The following ATXN2 variants were observed in gnomAD, a reference collection of about 807,000 sequenced individuals.
The protein encoded by ATXN2 is ataxin-2.
Under a neutral mutation model 138.6 loss-of-function variants are expected in ATXN2, and 37 were observed. That is an observed-to-expected ratio of 0.27 (90% CI 0.21 to 0.35). The LOEUF (loss-of-function observed/expected upper bound fraction) is 0.35. ATXN2 is among the 10% of genes least tolerant of loss of function. The probability of loss-of-function intolerance (pLI) is 1.00; values close to 1 mark genes in which losing one functional copy is unlikely to be tolerated. For synonymous variants in ATXN2, 549 were observed against 543.7 expected (o/e 1.01, Z -0.13); for missense variants, 1,216 against 1,480.3 (o/e 0.82, Z 2.93).
intron 5 of ATXN2, among the ~76,000 whole-genome samples, chr12:111,547,733 AC>A (rs1881881788): frequency 6.6e-6 from 1 of 151,656 alleles, no homozygotes; most frequent in Admixed American, 6.6e-5. Context: ...CCCAAGGAAA[AC>A]AAAAAAGAAA....
At chr12:111,497,738 C>T (rs766610032) in intron 14 of ATXN2, among the ~76,000 whole-genome samples, 20 of 151,958 alleles carry the variant, frequency 1.3e-4, no homozygotes, top group East Asian at 9.6e-4. Context: ...AACCCTTGGC[C>T]GGGCGTGGTG....
chr12:111,525,066 C>G (rs1280061952), intron 6 of ATXN2, 126 bp downstream of exon 6: 1 of 1,263,780 alleles, frequency 7.9e-7, no homozygotes, highest in Non-Finnish European at 1.1e-6. Flanking sequence ...AGTTATACAA[C>G]AAACCTGCTG....
intron 3 of ATXN2, 90 bp downstream of exon 3, chr12:111,554,068 C>A: frequency 1.1e-6 from 1 of 883,750 alleles, no homozygotes. Flanking sequence ...AGCAATGTTA[C>A]TTTGACAATC....
At chr12:111,599,651 G>T, upstream of ATXN2, 13 of 1,084,848 alleles carry the variant, frequency 1.2e-5, no homozygotes, top group Non-Finnish European at 1.3e-5. Flanking sequence ...GGAGCGGGCG[G>T]CGCGCTGGGT....
intron 1 of ATXN2, among the ~76,000 whole-genome samples, chr12:111,574,556 T>C (rs1592917742): frequency 6.6e-6 from 1 of 152,074 alleles, no homozygotes; most frequent in African/African-American, 2.4e-5. Context: ...GCCTCCCAAG[T>C]AGCTGAGACT....
At position 111,453,035 on chromosome 12, in the gene ATXN2, G is replaced by A. The variant is rs560874976; in HGVS notation, c.3440-195C>T. 1.1e-5 allele frequency: 14 copies of A among 1,301,686 alleles called. No individual in the cohort carries two copies. The highest frequency in any genetic ancestry group is 7.6e-5 in the Admixed American group (2 of 26,340). 80.6% of individuals were successfully genotyped at this position (1,301,686 alleles called of 1,614,324 possible). The stretch of plus-strand genomic sequence containing the variant: ...GTGGGTAGAAACAAACCAGTCAGAC[G>A]TAAAACCACTTCAGATAAAACTCCC... On this transcript the variant is annotated intron_variant, in intron 24 of 24. Transcript: ENST00000673436. This position sits in a 1 kb window ranked among gnomAD's most constrained non-coding sequence, Gnocchi z 5.4.
At chr12:111,556,084 G>A (rs1882374172) in intron 1 of ATXN2, among the ~76,000 whole-genome samples, 165 bp from the exon 2 acceptor site, 1 of 152,100 alleles carries the variant, frequency 6.6e-6, no homozygotes, top group Non-Finnish European at 1.5e-5. Context: ...CTCTACCTAT[G>A]CACTGCTTGC....
intron 23 of ATXN2, chr12:111,455,168 G>A: frequency 1.4e-6 from 1 of 701,436 alleles, no homozygotes; most frequent in Non-Finnish European, 2.6e-6. Flanking sequence ...ACTTAGACCC[G>A]CCTCAGAGAG....
At chr12:111,491,816 C>G (rs552132050) in intron 14 of ATXN2, among the ~76,000 whole-genome samples, 1 of 152,266 alleles carries the variant, frequency 6.6e-6, no homozygotes, top group East Asian at 1.9e-4. Context: ...TGGGGAGACC[C>G]ACCTGCTTGA....
At chr12:111,537,118 A>G (rs951824588) in intron 5 of ATXN2, among the ~76,000 whole-genome samples, 2 of 152,132 alleles carry the variant, frequency 1.3e-5, no homozygotes, top group Non-Finnish European at 2.9e-5. Context: ...TGTTCGCAGC[A>G]GGATTATGTA....
At chr12:111,597,762 G>A (rs756184525) in intron 1 of ATXN2, 2 of 985,614 alleles carry the variant, frequency 2.0e-6, no homozygotes, top group African/African-American at 1.7e-5. Flanking sequence ...TCTGCCTTCA[G>A]GAACCCGACC....
chr12:111,598,376 C>A lies in ATXN2; in HGVS notation c.251+408G>T, dbSNP rs1379291090. On this transcript the variant is annotated intron_variant, in intron 1 of 24. Transcript: ENST00000673436. This position sits in a 1 kb window ranked among gnomAD's most constrained non-coding sequence, Gnocchi z 4.5. The stretch of plus-strand genomic sequence containing the variant: ...GAAAACGCCACCACAGCCTCCAGAC[C>A]CCTCCAACGTTCACACCTAAACCGG... The A allele has an allele frequency of 1.5e-5, 15 of 987,416 alleles. No homozygotes were observed. Among genetic ancestry groups the A allele is most frequent in the Middle Eastern group, 5.2e-4 (1 of 1,918 alleles). The allele number at this position is 987,416 out of a possible 1,614,324, so 61.2% of individuals were successfully genotyped here.
At chr12:111,536,790 T>G (rs941068262) in intron 5 of ATXN2, among the ~76,000 whole-genome samples, 2 of 147,316 alleles carry the variant, frequency 1.4e-5, no homozygotes, top group Admixed American at 6.8e-5. Context: ...TTTTTTTTTT[T>G]TTTTTTTTTT....
At chr12:111,526,381 T>C (rs1363811154) in intron 5 of ATXN2, among the ~76,000 whole-genome samples, 2 of 150,132 alleles carry the variant, frequency 1.3e-5, no homozygotes, top group Admixed American at 1.3e-4. Context: ...AGAAAATTTC[T>C]ATCAATCCAT....
chr12:111,463,597 T>C (rs1301262167), intron 21 of ATXN2, among the ~76,000 whole-genome samples: 1 of 152,104 alleles, frequency 6.6e-6, no homozygotes, highest in Non-Finnish European at 1.5e-5. Flanking sequence ...CAAATTGCCC[T>C]ACAAATAGGA....
rs1212271399 is a variant in ATXN2, at chr12:111,509,638, T to G, written c.1865-19A>C. ...GATATACCTGTAAAATTAAGAACTG[T>G]TAAGACACAGGTTTATTTTTAAACT... On this transcript the variant is annotated intron_variant, in intron 13 of 24. Coordinates refer to ENST00000673436, the MANE Select transcript of ATXN2 (RefSeq NM_001372574.1). The G allele has an allele frequency of 7.2e-7, 1 of 1,393,274 alleles. No homozygotes were observed. Among genetic ancestry groups the G allele is most frequent in the Non-Finnish European group, 9.9e-7 (1 of 1,005,738 alleles). 86.3% of individuals were successfully genotyped at this position (1,393,274 alleles called of 1,614,324 possible).
intron 21 of ATXN2, among the ~76,000 whole-genome samples, chr12:111,459,919 GT>G (rs1875437113): frequency 6.6e-6 from 1 of 151,964 alleles, no homozygotes; most frequent in Non-Finnish European, 1.5e-5. Context: ...GTTTCACCAT[GT>G]TGGCCAGGCT....
chr12:111,598,888 G>A lies in ATXN2; in HGVS notation c.147C>T (p.Ala49=). The A allele has an allele frequency of 6.7e-7, 1 of 1,498,436 alleles. No homozygotes were observed. The highest frequency in any genetic ancestry group is 1.4e-5 in the African/African-American group (1 of 69,264). The allele number at this position is 1,498,436 out of a possible 1,614,324, so 92.8% of individuals were successfully genotyped here. ...PGGSGLLASP[A]AAPSPSSSSV... Reference sequence around the variant, plus strand: ...AGGACGAGGACGGCGAAGGCGCGGCGGCGGGCGACGCTAGAAGGCCGCTGC... The same window carrying A: ...AGGACGAGGACGGCGAAGGCGCGGCAGCGGGCGACGCTAGAAGGCCGCTGC... The change falls in exon 1 of 25, where the codon GCC becomes GCT. Residue 49 remains alanine, a synonymous_variant. Coordinates refer to ENST00000673436, the MANE Select transcript of ATXN2 (RefSeq NM_001372574.1). The surrounding 1 kb of genome is among the most constrained non-coding windows in gnomAD (Gnocchi z 4.5).
At chr12:111,478,575 T>C (rs1385262659) in intron 18 of ATXN2, among the ~76,000 whole-genome samples, 4 of 152,148 alleles carry the variant, frequency 2.6e-5, no homozygotes, top group African/African-American at 4.8e-5. Context: ...ATTAGACCTG[T>C]TGAAATTAAA....
Sources: allele counts gnomAD v4.1 joint callset (sites outside exome capture counted in the v4.1 genomes callset), GRCh38; gene constraint gnomAD v4.1.1; non-coding constraint Gnocchi (gnomAD v3.1); transcripts MANE v1.5; gene names NCBI Gene and HGNC (gene_info 2026-07-23, HGNC 2026-07-21).